The following GLT1D1 variants were observed in gnomAD, a reference collection of about 807,000 sequenced individuals.
GLT1D1 encodes the protein glycosyltransferase 1 domain-containing protein 1.
In GLT1D1, 21 loss-of-function variants were observed where a neutral mutation model predicts 28.7. That is an observed-to-expected ratio of 0.73 (90% confidence interval 0.52 to 1.05). GLT1D1 has a LOEUF of 1.05. Among genes scored for constraint, GLT1D1 ranks in the 50% least tolerant of loss-of-function variants. The pLI is 0.00. For missense variants in GLT1D1, 343 were observed against 330.6 expected, an observed-to-expected ratio of 1.04 and a Z score of -0.29; for synonymous variants, 147 against 124.8, an observed-to-expected ratio of 1.18 and a Z score of -1.19.
chr12:128,855,399 CA>C (rs113168444), intron 1 of GLT1D1, among the ~76,000 whole-genome samples: 14,005 of 150,724 alleles, frequency 0.093, 721 homozygotes, highest in East Asian at 0.18. Flanking sequence ...CTCATCTCTA[CA>C]AAAAAAAATT....
intron 4 of GLT1D1, among the ~76,000 whole-genome samples, chr12:128,938,818 G>A (rs1874824673): frequency 6.6e-6 from 1 of 152,148 alleles, no homozygotes; most frequent in Admixed American, 6.5e-5. Flanking sequence ...TTAGAATTTT[G>A]TGTTACACTT....
At chr12:128,975,967 C>T (rs1053806022) in intron 7 of GLT1D1, among the ~76,000 whole-genome samples, 1 of 152,148 alleles carries the variant, frequency 6.6e-6, no homozygotes, top group Non-Finnish European at 1.5e-5. Context: ...GGAGAACAAT[C>T]AACGTACGCT....
At chr12:128,919,737 T>G (rs1467850798) in intron 4 of GLT1D1, among the ~76,000 whole-genome samples, 1 of 152,182 alleles carries the variant, frequency 6.6e-6, no homozygotes, top group East Asian at 1.9e-4. Context: ...GTCTTTGAGT[T>G]TTTCTGTGCA....
At chr12:128,934,352 C>G (rs923335186) in intron 4 of GLT1D1, among the ~76,000 whole-genome samples, 1 of 152,038 alleles carries the variant, frequency 6.6e-6, no homozygotes, top group Non-Finnish European at 1.5e-5. Flanking sequence ...TGCCACCACA[C>G]CTGGCTAATA....
Position 128,947,418 on chromosome 12 carries a change from A to G in GLT1D1, c.500A>G (p.Asn167Ser), listed in dbSNP as rs1229623574. The change falls in exon 6 of 8, where the codon AAT (asparagine) becomes AGT (serine). Residue 167 changes from asparagine (N) to serine (S), a missense_variant. Coordinates refer to ENST00000281703, the MANE Select transcript of GLT1D1 (RefSeq NM_144669.3). The stretch of plus-strand genomic sequence containing the variant: ...GTGAAGAATTGCTTCGCGGTGGTGA[A>G]TAGCTCTGTCTCTGAAGGCATGTCA... The G allele has an allele frequency of 3.7e-6, 6 of 1,614,120 alleles. No individual in the cohort carries two copies. The Admixed American group carries it at 6.7e-5, about 18-fold the overall frequency.
At chr12:128,903,003 C>T (rs972113414) in intron 4 of GLT1D1, among the ~76,000 whole-genome samples, 2 of 148,530 alleles carry the variant, frequency 1.3e-5, no homozygotes, top group African/African-American at 5.0e-5. Flanking sequence ...GAGATGGTGC[C>T]ACTGCAAGAC....
At chr12:128,896,617 G>A (rs1442646655) in intron 3 of GLT1D1, among the ~76,000 whole-genome samples, 2 of 113,530 alleles carry the variant, frequency 1.8e-5, no homozygotes, top group Non-Finnish European at 3.3e-5. Flanking sequence ...GTCTTGCTCT[G>A]TTGCCAGGCT....
rs1315195784 is a variant in GLT1D1, at chr12:128,853,634, C to A, written c.53C>A (p.Thr18Lys). Residue 18 changes from threonine to lysine, a missense_variant, in exon 1 of 8, where the codon ACG becomes AAG. Thr to Lys is a moderately conservative substitution (Grantham distance 78). Coordinates refer to ENST00000281703, the MANE Select transcript of GLT1D1 (RefSeq NM_144669.3). ...CGGCCACACACCGGCAACGCGGTCACGGCCCAGCGCGTTCGGTAGGTGCAG... is the reference window on the plus strand; with the variant it reads ...CGGCCACACACCGGCAACGCGGTCAAGGCCCAGCGCGTTCGGTAGGTGCAG... 2 of 1,168,264 alleles carry A rather than the reference C, an allele frequency of 1.7e-6. No individual in the cohort carries two copies. Among genetic ancestry groups the A allele is most frequent in the Non-Finnish European group, 2.1e-6 (2 of 938,100 alleles). The allele number at this position is 1,168,264 out of a possible 1,614,324, so 72.4% of individuals were successfully genotyped here. A position where few individuals can be genotyped will look rare whatever the true frequency, so the allele number is the denominator to read the frequency against.
At chr12:128,957,085 A>G (rs980890183) in intron 6 of GLT1D1, among the ~76,000 whole-genome samples, 2 of 152,218 alleles carry the variant, frequency 1.3e-5, no homozygotes, top group Non-Finnish European at 2.9e-5. Context: ...AATAATCAGA[A>G]TGATAAATCA....
intron 4 of GLT1D1, chr12:128,944,376 C>G (rs1875743048): frequency 1.0e-6 from 1 of 994,984 alleles, no homozygotes; most frequent in African/African-American, 1.6e-5. Context: ...ATGTTTCCAA[C>G]ACCGCTTTTT....
chr12:128,984,285 C>G lies in GLT1D1; in HGVS notation c.*1195C>G, dbSNP rs1001747464. Reference sequence around the variant, plus strand: ...GAAGATTCCACCAGCATTGTCCTTGCTTCAAGTTTTAGGATGTCTGAACTT... The same window carrying G: ...GAAGATTCCACCAGCATTGTCCTTGGTTCAAGTTTTAGGATGTCTGAACTT... On this transcript the variant is annotated 3_prime_UTR_variant, in exon 8 of 8. Coordinates refer to ENST00000281703, the MANE Select transcript of GLT1D1 (RefSeq NM_144669.3). The G allele has an allele frequency of 2.0e-5, 3 of 152,304 alleles. No individual in the cohort carries two copies. Among genetic ancestry groups the G allele is most frequent in the African/African-American group, 7.2e-5 (3 of 41,578 alleles). The allele number at this position is 152,304 out of a possible 1,614,324, so 9.4% of individuals were successfully genotyped here.
At chr12:128,919,245 T>C (rs1872409921) in intron 4 of GLT1D1, among the ~76,000 whole-genome samples, 1 of 152,178 alleles carries the variant, frequency 6.6e-6, no homozygotes, top group African/African-American at 2.4e-5. Context: ...CACTTGGAGC[T>C]TCAGACAGTG....
intron 1 of GLT1D1, among the ~76,000 whole-genome samples, chr12:128,857,438 G>A (rs1312962338): frequency 6.6e-6 from 1 of 152,152 alleles, no homozygotes; most frequent in African/African-American, 2.4e-5. Context: ...GGCGTTTGTT[G>A]TCCTTCACCT....
chr12:128,945,081 G>T (rs1454104147), intron 4 of GLT1D1: 6 of 676,030 alleles, frequency 8.9e-6, no homozygotes, highest in Non-Finnish European at 1.6e-5. Flanking sequence ...TGTTGTCCCG[G>T]AGCAGGTCCC....
rs553824477 is a variant in GLT1D1, at chr12:128,906,973, T to A, written c.375+7686T>A. The A allele has an allele frequency of 4.3e-6, 3 of 702,444 alleles. No individual in the cohort carries two copies. The Admixed American group carries it at 6.0e-5, about 14-fold the overall frequency. 43.5% of individuals were successfully genotyped at this position (702,444 alleles called of 1,614,324 possible). On this transcript the variant is annotated intron_variant, in intron 4 of 7. Coordinates refer to ENST00000281703, the MANE Select transcript of GLT1D1 (RefSeq NM_144669.3). Reference sequence around the variant, plus strand: ...TGTACAGGTGAGCTCCACAAGTCAGTGCAGATGTTAGCGCTGGCCTAATCG... The same window carrying A: ...TGTACAGGTGAGCTCCACAAGTCAGAGCAGATGTTAGCGCTGGCCTAATCG...
At chr12:128,960,023 C>T (rs374242055) in intron 7 of GLT1D1, among the ~76,000 whole-genome samples, 18 of 152,094 alleles carry the variant, frequency 1.2e-4, no homozygotes, top group African/African-American at 4.1e-4. Flanking sequence ...TAAGATACTC[C>T]TTTTAATGTC....
intron 4 of GLT1D1, among the ~76,000 whole-genome samples, chr12:128,936,135 T>C (rs1320124683): frequency 1.3e-5 from 2 of 151,058 alleles, no homozygotes; most frequent in African/African-American, 2.4e-5. Context: ...GGCAGCATCC[T>C]GTGAGTGTTA....
intron 7 of GLT1D1, among the ~76,000 whole-genome samples, chr12:128,963,150 G>A (rs925841638): frequency 2.0e-5 from 3 of 152,128 alleles, no homozygotes; most frequent in Non-Finnish European, 4.4e-5. Context: ...GCACACCAAC[G>A]ACAGTGGGTT....
At position 128,906,728 on chromosome 12, in the gene GLT1D1, T is replaced by C. The variant is rs1027464261; in HGVS notation, c.375+7441T>C. Among the ~76,000 whole-genome samples, 4 of 151,838 alleles carry C rather than the reference T, an allele frequency of 2.6e-5. No individual in the cohort carries two copies. In the South Asian group the frequency reaches 6.2e-4, roughly 24 times the overall value. On this transcript the variant is annotated intron_variant, in intron 4 of 7. Transcript: ENST00000281703. ...AGTGAGGTTTTTCTTTTTTTTTTTT[T>C]CTTTTTTTTTTCTGGAAACTTTGAG...
Sources: gnomAD v4.1 joint callset for allele counts (sites outside exome capture counted in the v4.1 genomes callset) on GRCh38, gnomAD v4.1.1 for gene constraint, MANE v1.5 for transcripts, NCBI Gene and HGNC (gene_info 2026-07-23, HGNC 2026-07-21) for gene names.